Variants in NYAP2 observed in about 807,000 individuals in gnomAD.
NYAP2 encodes the protein neuronal tyrosine-phosphorylated phosphoinositide-3-kinase adapter 2.
NYAP2 carries 23 observed loss-of-function variants against 50.4 expected under a neutral mutation model. That is an observed-to-expected ratio of 0.46 (90% confidence interval 0.33 to 0.65). NYAP2 has a LOEUF of 0.65. NYAP2 is among the 30% of genes least tolerant of loss of function. The probability of loss-of-function intolerance (pLI) is 0.02; values close to 1 mark genes in which losing one functional copy is unlikely to be tolerated. For synonymous variants in NYAP2, 394 were observed against 365.2 expected, an observed-to-expected ratio of 1.08 and a Z score of -0.90; for missense variants, 885 against 861.0, an observed-to-expected ratio of 1.03 and a Z score of -0.35.
chr2:225,527,414 G>A lies in NYAP2; in HGVS notation c.523+13742G>A, dbSNP rs1691171722. Among the ~76,000 whole-genome samples, 3 of 152,160 alleles carry A rather than the reference G, an allele frequency of 2.0e-5. 1 individual carries two copies. In the South Asian group the frequency reaches 6.2e-4, roughly 32 times the overall value. ...GGATTTTCCAAGGCTTCAATCTAGG[G>A]TGTCAGCTGAAGCTGGAGTCTCATC... On this transcript the variant is annotated intron_variant, in intron 4 of 6. Coordinates refer to ENST00000636099, the Ensembl canonical transcript of NYAP2.
intron 4 of NYAP2, among the ~76,000 whole-genome samples, chr2:225,572,210 C>T (rs148594925): frequency 1.9e-4 from 29 of 152,346 alleles, no homozygotes; most frequent in African/African-American, 7.0e-4. Context: ...ACTGTTCCAA[C>T]CTCTGCCTGT....
chr2:225,505,040 T>C (rs1281672910), intron 3 of NYAP2, among the ~76,000 whole-genome samples: 1 of 152,068 alleles, frequency 6.6e-6, no homozygotes, highest in Non-Finnish European at 1.5e-5. Context: ...ATCATCATTA[T>C]CTTAAAGTAT....
At chr2:225,581,048 C>A (rs182235467) in intron 4 of NYAP2, among the ~76,000 whole-genome samples, 1 of 152,322 alleles carries the variant, frequency 6.6e-6, no homozygotes, top group Non-Finnish European at 1.5e-5. Flanking sequence ...CAGCCTCTTC[C>A]GTGCTATTGT....
chr2:225,411,854 C>T (rs1695047212), intron 3 of NYAP2, among the ~76,000 whole-genome samples: 1 of 151,692 alleles, frequency 6.6e-6, no homozygotes, highest in Non-Finnish European at 1.5e-5. Context: ...AACAATTTCA[C>T]TGAAGGGCTG....
rs372402368 is a variant in NYAP2 at position 225,401,624 on chromosome 2, A to G, written c.-18+581A>G. 2.8e-4 allele frequency among the ~76,000 whole-genome samples: 43 copies of G among 152,116 alleles called. 1 individual carries two copies. In the South Asian group the frequency reaches 8.5e-3, roughly 30 times the overall value. ...AGATTTTATTAGTCTCATCACAATA[A>G]ATATTTTCTGTAAAACTTTAGGTGG... On this transcript the variant is annotated intron_variant, in intron 2 of 6. Transcript: ENST00000636099.
intron 4 of NYAP2, among the ~76,000 whole-genome samples, chr2:225,547,067 G>GCCAC (rs1691597806): frequency 6.6e-6 from 1 of 152,062 alleles, no homozygotes; most frequent in Non-Finnish European, 1.5e-5. Flanking sequence ...CACAAAGCTA[G>GCCAC]AAAAAAGTCC....
intron 3 of NYAP2, among the ~76,000 whole-genome samples, chr2:225,480,221 G>A (rs751701442): frequency 1.9e-4 from 29 of 151,878 alleles, no homozygotes; most frequent in Non-Finnish European, 5.9e-5. Flanking sequence ...ACTACATGTG[G>A]GTATCATGAC....
chr2:225,457,063 T>G (rs529240929), intron 3 of NYAP2, among the ~76,000 whole-genome samples: 1 of 152,362 alleles, frequency 6.6e-6, no homozygotes, highest in African/African-American at 2.4e-5. Flanking sequence ...TCCAAGATGA[T>G]GGTGCTCCTG....
At chr2:225,441,615 G>A (rs560144197) in intron 3 of NYAP2, among the ~76,000 whole-genome samples, 14 of 152,268 alleles carry the variant, frequency 9.2e-5, no homozygotes, top group African/African-American at 2.9e-4. Flanking sequence ...TTCAAAAGGC[G>A]GCAGGAGAGA....
chr2:225,688,056 T>C, the NYAP2 span, among the ~76,000 whole-genome samples: 2 of 151,998 alleles, frequency 1.3e-5, no homozygotes, highest in African/African-American at 2.4e-5. Context: ...CCCAAGGGAG[T>C]TGCATACTTC....
chr2:225,531,305 T>C (rs557462639), intron 4 of NYAP2, among the ~76,000 whole-genome samples: 1 of 152,334 alleles, frequency 6.6e-6, no homozygotes, highest in Admixed American at 6.5e-5. Flanking sequence ...GGAGTTTCTT[T>C]TCCAAGTTAT....
At chr2:225,449,552 C>T (rs1430234293) in intron 3 of NYAP2, among the ~76,000 whole-genome samples, 2 of 150,786 alleles carry the variant, frequency 1.3e-5, no homozygotes, top group African/African-American at 4.9e-5. Flanking sequence ...TTAAAATATC[C>T]TTTTCTACAT....
chr2:225,636,587 C>T (rs1025148077), intron 6 of NYAP2, among the ~76,000 whole-genome samples: 1 of 151,892 alleles, frequency 6.6e-6, no homozygotes, highest in African/African-American at 2.4e-5. Flanking sequence ...AAGACACATG[C>T]ACACGTATGG....
chr2:225,701,556 C>T, the NYAP2 span: 4 of 151,876 alleles, frequency 2.6e-5, no homozygotes, highest in African/African-American at 9.6e-5. Context: ...CAGAAGCCAG[C>T]ATCCTCTGAG....
At position 225,512,839 on chromosome 2, in the gene NYAP2, T is replaced by TCTCTC. The variant is rs1559200540; in HGVS notation, c.222-532_222-531insCTCTC. 2.1e-4 allele frequency among the ~76,000 whole-genome samples: 16 copies of TCTCTC among 75,448 alleles called. 1 individual carries two copies. The Admixed American group carries it at 2.2e-3, about 11-fold the overall frequency. The allele number at this position is 75,448 out of a possible 152,430, so 49.5% of individuals were successfully genotyped here. On this transcript the variant is annotated intron_variant, in intron 3 of 6. Transcript: ENST00000636099. The stretch of plus-strand genomic sequence containing the variant: ...TTTCTTTCTCTCTCTCTCTCTCTCT[T>TCTCTC]TCTTTCTTTCTTTCTTCCTTCCTTC...
intron 3 of NYAP2, among the ~76,000 whole-genome samples, chr2:225,449,581 A>ATC (rs995035245): frequency 1.7e-4 from 24 of 143,322 alleles, no homozygotes; most frequent in African/African-American, 5.7e-4. Context: ...AGGAAACCAG[A>ATC]TCTCTCTCTC....
intron 3 of NYAP2, among the ~76,000 whole-genome samples, chr2:225,478,869 A>G (rs937005353): frequency 6.6e-6 from 1 of 152,206 alleles, no homozygotes; most frequent in African/African-American, 2.4e-5. Context: ...ACCTATTAGT[A>G]TAGGAGCATG....
chr2:225,619,144 C>T (rs1693044761), intron 5 of NYAP2, among the ~76,000 whole-genome samples: 1 of 152,208 alleles, frequency 6.6e-6, no homozygotes, highest in Middle Eastern at 3.2e-3. Context: ...TGCATTATCT[C>T]ATTTAATCTT....
intron 3 of NYAP2, among the ~76,000 whole-genome samples, chr2:225,490,258 T>G (rs1236478126): frequency 6.6e-6 from 1 of 152,168 alleles, no homozygotes; most frequent in East Asian, 1.9e-4. Flanking sequence ...TCCCATTCTG[T>G]TCTCTTCTAT....
Sources: gnomAD v4.1 joint callset for allele counts (sites outside exome capture counted in the v4.1 genomes callset) on GRCh38, gnomAD v4.1.1 for gene constraint, MANE v1.5 for transcripts, NCBI Gene and HGNC (gene_info 2026-07-23, HGNC 2026-07-21) for gene names.